Variants in PRKG1 observed in about 807,000 individuals in gnomAD.
PRKG1 encodes the protein cGMP-dependent protein kinase 1.
Under a neutral mutation model 88.1 loss-of-function variants are expected in PRKG1, and 35 were observed. The observed-to-expected ratio is 0.40, with a 90% CI of 0.30 to 0.53. The LOEUF (loss-of-function observed/expected upper bound fraction) is 0.53. PRKG1 is among the 20% of genes least tolerant of loss of function. PRKG1 has a pLI of 0.59. For missense variants in PRKG1, 540 were observed against 839.8 expected (o/e 0.64, Z 4.41); for synonymous variants, 303 against 292.5 (o/e 1.04, Z -0.37).
chr10:52,104,469 A>G (rs760166470), intron 7 of PRKG1, among the ~76,000 whole-genome samples: 3 of 152,010 alleles, frequency 2.0e-5, no homozygotes, highest in Non-Finnish European at 4.4e-5. Flanking sequence ...AATGACAGTT[A>G]TCATTTGCTG....
intron 5 of PRKG1, among the ~76,000 whole-genome samples, chr10:51,999,165 C>T (rs1025645542): frequency 2.0e-5 from 3 of 152,196 alleles, no homozygotes; most frequent in African/African-American, 7.2e-5. Flanking sequence ...GCTAAAGTCA[C>T]TGCCTTTCTA....
At chr10:51,766,420 G>A (rs1051025592) in intron 3 of PRKG1, among the ~76,000 whole-genome samples, 1 of 152,110 alleles carries the variant, frequency 6.6e-6, no homozygotes, top group Admixed American at 6.5e-5. Flanking sequence ...GTCTGGGAAA[G>A]TCTCCTGAGT....
In PRKG1 at chr10:51,492,429, A is replaced by C. The variant is rs560699455; in HGVS notation, c.592+24593A>C. Among the ~76,000 whole-genome samples, 25 of 152,284 alleles carry C rather than the reference A, an allele frequency of 1.6e-4. No individual in the cohort carries two copies. In the East Asian group the frequency reaches 4.8e-3, roughly 29 times the overall value. ...GAGGCAACATATGACATGAATGATA[A>C]TTTGCAATTGATCTAGAAAATCACC... On this transcript the variant is annotated intron_variant, in intron 3 of 17. Transcript: ENST00000373980.
chr10:51,228,399 G>A (rs1307698027), intron 2 of PRKG1, among the ~76,000 whole-genome samples: 12 of 152,132 alleles, frequency 7.9e-5, no homozygotes, highest in Non-Finnish European at 4.4e-5. Context: ...GTGACTACTT[G>A]TACTGGTTAT....
chr10:52,091,168 C>T (rs572259296), intron 7 of PRKG1, among the ~76,000 whole-genome samples: 9 of 152,210 alleles, frequency 5.9e-5, no homozygotes, highest in Admixed American at 2.0e-4. Flanking sequence ...AAGGTCATTC[C>T]GGTTGTTGGC....
At chr10:52,251,769 A>C in intron 10 of PRKG1, 103 bp downstream of exon 10, 1 of 943,440 alleles carries the variant, frequency 1.1e-6, no homozygotes, top group South Asian at 1.6e-5. Context: ...GTCTTTCATC[A>C]TTAATTACCA....
intron 3 of PRKG1, among the ~76,000 whole-genome samples, chr10:51,767,553 T>G (rs1418395260): frequency 6.6e-6 from 1 of 152,176 alleles, no homozygotes; most frequent in Non-Finnish European, 1.5e-5. Flanking sequence ...ATCAGAAGAC[T>G]TGGGTTTCAG....
At chr10:51,990,240 A>G (rs972111384) in intron 5 of PRKG1, among the ~76,000 whole-genome samples, 1 of 152,084 alleles carries the variant, frequency 6.6e-6, no homozygotes, top group Non-Finnish European at 1.5e-5. Flanking sequence ...ATGGCTTTGC[A>G]GTATAATTTA....
intron 2 of PRKG1, among the ~76,000 whole-genome samples, chr10:51,369,345 G>A (rs1842653164): frequency 6.6e-6 from 1 of 152,064 alleles, no homozygotes; most frequent in Admixed American, 6.6e-5. Flanking sequence ...TTGTTCATAG[G>A]TGGCGCCTTG....
intron 6 of PRKG1, 134 bp downstream of exon 6, chr10:52,054,695 A>G (rs1167494635): frequency 1.5e-6 from 1 of 654,288 alleles, no homozygotes; most frequent in Non-Finnish European, 2.5e-6. Context: ...GTATTAGAGA[A>G]TGGATCTTAC....
intron 4 of PRKG1, among the ~76,000 whole-genome samples, chr10:51,818,423 A>G (rs1342259852): frequency 2.0e-5 from 3 of 152,184 alleles, no homozygotes; most frequent in Non-Finnish European, 4.4e-5. Context: ...TTACAAAAAA[A>G]AATCAAACAT....
intron 3 of PRKG1, among the ~76,000 whole-genome samples, chr10:51,748,151 C>T (rs578208569): frequency 4.6e-5 from 7 of 152,288 alleles, no homozygotes; most frequent in East Asian, 3.9e-4. Flanking sequence ...TTTCAGTGCC[C>T]ATCCAGTCTT....
chr10:52,252,431 T>C (rs780245685), intron 10 of PRKG1: 1 of 152,138 alleles, frequency 6.6e-6, no homozygotes, highest in African/African-American at 2.4e-5. Flanking sequence ...ACGGTGTGGC[T>C]ATAAACCCTA....
Position 51,589,522 on chromosome 10 carries a change from G to A in PRKG1, c.592+121686G>A, listed in dbSNP as rs527330998. ...GCCTGTAATTCCAGCTACTCAGGAA[G>A]CAGAGACAGGAGAATTGCTTGAACC... On this transcript the variant is annotated intron_variant, in intron 3 of 17. Transcript: ENST00000373980. Among the ~76,000 whole-genome samples the A allele has an allele frequency of 2.0e-5, 3 of 152,248 alleles. No individual in the cohort carries two copies. The East Asian group carries it at 5.8e-4, about 29-fold the overall frequency.
chr10:51,219,471 A>T (rs1236521073), intron 2 of PRKG1, among the ~76,000 whole-genome samples: 1 of 152,000 alleles, frequency 6.6e-6, no homozygotes, highest in Non-Finnish European at 1.5e-5. Context: ...GCACTTCGGG[A>T]GGCTGTGGCG....
intron 2 of PRKG1, among the ~76,000 whole-genome samples, chr10:51,424,662 T>A (rs1838522311): frequency 6.6e-6 from 1 of 152,098 alleles, no homozygotes; most frequent in African/African-American, 2.4e-5. Context: ...CCTACTAAGA[T>A]TTGTTGTTAT....
chr10:51,702,743 C>G (rs1841500192), intron 3 of PRKG1, among the ~76,000 whole-genome samples: 2 of 152,080 alleles, frequency 1.3e-5, no homozygotes, highest in South Asian at 4.2e-4. Flanking sequence ...GTCAGCCAGG[C>G]TGGAGTGCGA....
intron 9 of PRKG1, chr10:52,242,281 G>C (rs1840885493): frequency 6.6e-6 from 1 of 152,180 alleles, no homozygotes; most frequent in South Asian, 2.1e-4. Context: ...GAGGTTCAGA[G>C]AGACGCAGAA....
At chr10:51,309,109 A>G (rs550820432) in intron 2 of PRKG1, among the ~76,000 whole-genome samples, 8 of 152,282 alleles carry the variant, frequency 5.3e-5, no homozygotes, top group Admixed American at 4.6e-4. Context: ...GCAGGTATGA[A>G]CAGTCTTCCA....
Sources: allele counts gnomAD v4.1 joint callset (sites outside exome capture counted in the v4.1 genomes callset), GRCh38; gene constraint gnomAD v4.1.1; transcripts MANE v1.5; gene names NCBI Gene and HGNC (gene_info 2026-07-23, HGNC 2026-07-21).